SORCS2: variants seen among roughly 807,000 people sequenced by gnomAD.
The protein encoded by SORCS2 is VPS10 domain-containing receptor SorCS2.
A neutral mutation model predicts 141.6 loss-of-function variants in SORCS2; 100 were observed. That is an observed-to-expected ratio of 0.71 (90% confidence interval 0.60 to 0.83). The LOEUF is 0.83. Among genes scored for constraint, SORCS2 ranks in the 40% least tolerant of loss-of-function variants. The pLI is 0.00. For missense variants in SORCS2, 1,646 were observed against 1,560.2 expected (o/e 1.05, Z -0.93); for synonymous variants, 789 against 676.9 (o/e 1.17, Z -2.57).
At chr4:7,434,842 C>G in intron 2 of SORCS2, 1 of 1,590,314 alleles carries the variant, frequency 6.3e-7, no homozygotes, top group Non-Finnish European at 8.6e-7. Flanking sequence ...CCTGGTGGCC[C>G]CCAGGAGGCT....
intron 1 of SORCS2, among the ~76,000 whole-genome samples, chr4:7,384,759 C>T (rs4689714): frequency 0.13 from 19,533 of 152,202 alleles, 1,919 homozygotes; most frequent in East Asian, 0.51. Context: ...CCTGCATCCT[C>T]GCTTCAGCTC....
chr4:7,658,186 A>G (rs1199275561), intron 5 of SORCS2, among the ~76,000 whole-genome samples: 1 of 151,584 alleles, frequency 6.6e-6, no homozygotes, highest in Admixed American at 6.6e-5. Context: ...TCTGTGATTG[A>G]CTGAGTGGTT....
chr4:7,576,399 A>G (rs536312439), intron 3 of SORCS2, among the ~76,000 whole-genome samples: 58 of 152,342 alleles, frequency 3.8e-4, no homozygotes, highest in African/African-American at 1.2e-3. Flanking sequence ...CTAATAGCAT[A>G]TCTTTGGATT....
At chr4:7,366,394 C>T (rs1333275731) in intron 1 of SORCS2, among the ~76,000 whole-genome samples, 7 of 151,864 alleles carry the variant, frequency 4.6e-5, no homozygotes, top group African/African-American at 1.7e-4. Flanking sequence ...CGGGGGGATC[C>T]TGCTCCCCTG....
chr4:7,435,848 C>T (rs1203917683), intron 2 of SORCS2, among the ~76,000 whole-genome samples: 1 of 152,246 alleles, frequency 6.6e-6, no homozygotes, highest in East Asian at 1.9e-4. Context: ...GGCCTAATTG[C>T]CAAACAGCCA....
chr4:7,231,076 A>G (rs899649116), intron 1 of SORCS2, among the ~76,000 whole-genome samples: 25 of 152,360 alleles, frequency 1.6e-4, no homozygotes, highest in Admixed American at 1.4e-3. Context: ...TTTCATATCT[A>G]TGACAGAGGT....
Position 7,740,825 on chromosome 4 carries a change from G to C in SORCS2, c.*561G>C. ...GGCTGGAAACTGCAGCTCTGTAAAT[G>C]CCTCTCTAGGTAGCTGCTGGCGGTG... On this transcript the variant is annotated 3_prime_UTR_variant, in exon 27 of 27. Transcript: ENST00000507866. 1 of 384,446 alleles carries C rather than the reference G, an allele frequency of 2.6e-6. No individual in the cohort carries two copies. Among genetic ancestry groups the C allele is most frequent in the East Asian group, 3.7e-5 (1 of 26,752 alleles). The allele number at this position is 384,446 out of a possible 1,614,324, so 23.8% of individuals were successfully genotyped here. A position where few individuals can be genotyped will look rare whatever the true frequency, so the allele number is the denominator to read the frequency against.
Position 7,638,198 on chromosome 4 carries a change from G to A in SORCS2, c.649-130G>A, listed in dbSNP as rs554137404. The A allele has an allele frequency of 1.2e-5, 14 of 1,184,900 alleles. 1 individual carries two copies. In the South Asian group the frequency reaches 2.0e-4, roughly 17 times the overall value. 73.4% of individuals were successfully genotyped at this position (1,184,900 alleles called of 1,614,324 possible). On this transcript the variant is annotated intron_variant, in intron 3 of 26. Coordinates refer to ENST00000507866, the MANE Select transcript of SORCS2 (RefSeq NM_020777.3). ...GAGGTGAAGGGGAGAGGCACACCCG[G>A]CCCAGGCCTCACAACCCCCTTTCTG...
chr4:7,440,831 C>T lies in SORCS2; in HGVS notation c.548+44476C>T, dbSNP rs139222297. Among the ~76,000 whole-genome samples, 463 of 152,334 alleles carry T rather than the reference C, an allele frequency of 3.0e-3. 1 individual carries two copies. The highest frequency in any genetic ancestry group is 5.2e-3 in the Admixed American group (79 of 15,306). ...TGGGCATCACGGGTCACTCATTTCA[C>T]GATCATTTTCCAAGCCCTGCTGGGA... On this transcript the variant is annotated intron_variant, in intron 2 of 26. Transcript: ENST00000507866.
At chr4:7,737,305 C>A in intron 26 of SORCS2, 133 bp downstream of exon 26, 2 of 1,355,888 alleles carry the variant, frequency 1.5e-6, no homozygotes, top group Non-Finnish European at 9.9e-7. Context: ...CAGCCCTTGC[C>A]AGCGGGTCGG....
At position 7,433,395 on chromosome 4, in the gene SORCS2, G is replaced by A. The variant is rs200029498; in HGVS notation, c.548+37040G>A. 4.2e-4 allele frequency: 628 copies of A among 1,499,488 alleles called. 1 individual carries two copies. The highest frequency in any genetic ancestry group is 2.7e-4 in the Non-Finnish European group (299 of 1,125,112). 92.9% of individuals were successfully genotyped at this position (1,499,488 alleles called of 1,614,324 possible). On this transcript the variant is annotated intron_variant, in intron 2 of 26. Transcript: ENST00000507866. ...GTTGCACAGCGTTGCACAGCTTGGC[G>A]GCCTCCTGGCTCCTGCACCAGAAGC...
rs1372396708 is a variant in SORCS2 at position 7,725,249 on chromosome 4, C to T, written c.2707C>T (p.Leu903Phe). ...TAVLLPLNPN[L>F]TVFYWWIGHS... ...TGTGCTGCTTCCCTTGAACCCTAAC[C>T]TCACCGTCTTCTACTGGTGGATCGG... Residue 903 changes from leucine to phenylalanine, a missense_variant, in exon 20 of 27, where the codon CTC (leucine) becomes TTC (phenylalanine). Coordinates refer to ENST00000507866, the MANE Select transcript of SORCS2 (RefSeq NM_020777.3). The T allele has an allele frequency of 1.9e-6, 3 of 1,613,586 alleles. No homozygotes were observed. Among genetic ancestry groups the T allele is most frequent in the South Asian group, 1.1e-5 (1 of 91,080 alleles).
At chr4:7,215,736 G>C (rs1414429896) in intron 1 of SORCS2, among the ~76,000 whole-genome samples, 1 of 152,190 alleles carries the variant, frequency 6.6e-6, no homozygotes, top group Non-Finnish European at 1.5e-5. Context: ...GTGCACCAAT[G>C]GACACTCTGT....
At chr4:7,521,417 C>T (rs1161829569) in intron 2 of SORCS2, among the ~76,000 whole-genome samples, 1 of 152,204 alleles carries the variant, frequency 6.6e-6, no homozygotes, top group Non-Finnish European at 1.5e-5. Flanking sequence ...CCCTTTCACA[C>T]TCAGAATCTG....
At chr4:7,226,533 A>T (rs1203048374) in intron 1 of SORCS2, among the ~76,000 whole-genome samples, 1 of 152,136 alleles carries the variant, frequency 6.6e-6, no homozygotes, top group Non-Finnish European at 1.5e-5. Context: ...CTCATCCGGA[A>T]CAGGCGGCGG....
intron 2 of SORCS2, among the ~76,000 whole-genome samples, chr4:7,420,207 G>C (rs1423667836): frequency 6.6e-6 from 1 of 152,214 alleles, no homozygotes; most frequent in Non-Finnish European, 1.5e-5. Flanking sequence ...CACCCAGCTG[G>C]CCCCAGTAGA....
intron 3 of SORCS2, among the ~76,000 whole-genome samples, chr4:7,615,043 A>C: frequency 6.6e-6 from 1 of 151,760 alleles, no homozygotes; most frequent in Admixed American, 6.6e-5. Flanking sequence ...TTATTCATCC[A>C]TCCACCTATT....
intron 3 of SORCS2, among the ~76,000 whole-genome samples, chr4:7,557,652 T>TAAAAAAA (rs1714235262): frequency 1.3e-5 from 2 of 152,206 alleles, no homozygotes; most frequent in South Asian, 4.1e-4. Context: ...CCAGTGCCTT[T>TAAAAAAA]AAAAAGGATC....
intron 2 of SORCS2, chr4:7,434,278 T>C: frequency 3.1e-6 from 5 of 1,613,140 alleles, no homozygotes; most frequent in Non-Finnish European, 4.2e-6. Context: ...CAAGGTCAAG[T>C]TGGACCGGAC....
Sources: gnomAD v4.1 joint callset for allele counts (sites outside exome capture counted in the v4.1 genomes callset) on GRCh38, gnomAD v4.1.1 for gene constraint, MANE v1.5 for transcripts, NCBI Gene and HGNC (gene_info 2026-07-23, HGNC 2026-07-21) for gene names.